TBC1D5: variants seen among roughly 807,000 people sequenced by gnomAD.
The protein encoded by TBC1D5 is TBC1 domain family, member 5.
In TBC1D5, 75 loss-of-function variants were observed where a neutral mutation model predicts 100.3. That is an observed-to-expected ratio of 0.75 (90% CI 0.62 to 0.91). The LOEUF is 0.91. Among genes scored for constraint, TBC1D5 ranks in the 40% least tolerant of loss-of-function variants. The probability of loss-of-function intolerance (pLI) is 0.00; values close to 1 mark genes in which losing one functional copy is unlikely to be tolerated. For missense variants in TBC1D5, 910 were observed against 942.4 expected, an observed-to-expected ratio of 0.97 and a Z score of 0.45; for synonymous variants, 323 against 325.6, an observed-to-expected ratio of 0.99 and a Z score of 0.09.
chr3:17,478,037 G>T (rs181933716), intron 3 of TBC1D5, among the ~76,000 whole-genome samples: 4 of 152,054 alleles, frequency 2.6e-5, no homozygotes, highest in Non-Finnish European at 4.4e-5. Context: ...CTTGATTAAA[G>T]AATTTATTTT....
chr3:17,685,183 T>C (rs2070082812), intron 1 of TBC1D5, among the ~76,000 whole-genome samples: 1 of 151,316 alleles, frequency 6.6e-6, no homozygotes, highest in African/African-American at 2.5e-5. Flanking sequence ...AAAGCTGAAA[T>C]TTTATCTCTG....
exon 22 of TBC1D5, chr3:17,159,243 G>C (rs2065837451): frequency 6.6e-6 from 1 of 152,182 alleles, no homozygotes; most frequent in African/African-American, 2.4e-5. Flanking sequence ...GAGTTTAAGA[G>C]CAAATTGCAG....
chr3:17,718,297 A>G (rs2075400467), intron 1 of TBC1D5, among the ~76,000 whole-genome samples: 1 of 152,216 alleles, frequency 6.6e-6, no homozygotes, highest in South Asian at 2.1e-4. Context: ...AATACATGAC[A>G]TAAAATTTAC....
intron 9 of TBC1D5, among the ~76,000 whole-genome samples, chr3:17,382,329 T>G (rs2092979776): frequency 1.3e-5 from 2 of 152,074 alleles, no homozygotes. Flanking sequence ...CTACACTCAG[T>G]GCTTTTAATC....
intron 1 of TBC1D5, among the ~76,000 whole-genome samples, chr3:17,729,016 TAAAAAAAA>T (rs34461809): frequency 6.8e-5 from 2 of 29,604 alleles, no homozygotes; most frequent in African/African-American, 2.3e-4. Flanking sequence ...TGAAAATCAG[TAAAAAAAA>T]AAAAAAAAAA....
chr3:17,360,691 C>T (rs901741096), intron 13 of TBC1D5, among the ~76,000 whole-genome samples: 6 of 151,726 alleles, frequency 4.0e-5, no homozygotes, highest in African/African-American at 1.2e-4. Context: ...ATAAACTGTT[C>T]TAATAAATAC....
intron 13 of TBC1D5, among the ~76,000 whole-genome samples, chr3:17,334,970 C>A (rs112065852): frequency 3.9e-5 from 6 of 152,150 alleles, no homozygotes; most frequent in African/African-American, 1.4e-4. Context: ...ATACTAAAAT[C>A]TGTATAAAAT....
intron 3 of TBC1D5, among the ~76,000 whole-genome samples, chr3:17,499,999 A>T (rs2153221787): frequency 6.7e-6 from 1 of 149,394 alleles, no homozygotes; most frequent in South Asian, 2.1e-4. Context: ...CTAATTGCCT[A>T]AAGGGGTAGT....
At chr3:17,201,887 G>A (rs984640781) in intron 18 of TBC1D5, among the ~76,000 whole-genome samples, 1 of 152,168 alleles carries the variant, frequency 6.6e-6, no homozygotes, top group African/African-American at 2.4e-5. Context: ...GTTATTTATA[G>A]TAATATGAGA....
chr3:17,523,962 T>C (rs1475868621), intron 2 of TBC1D5, among the ~76,000 whole-genome samples: 1 of 152,188 alleles, frequency 6.6e-6, no homozygotes, highest in East Asian at 1.9e-4. Flanking sequence ...TTAAAGACTT[T>C]TTAGGGGTGC....
chr3:17,356,995 A>T (rs1262474437), intron 13 of TBC1D5, among the ~76,000 whole-genome samples: 2 of 36,628 alleles, frequency 5.5e-5, no homozygotes, highest in Non-Finnish European at 1.1e-4. Flanking sequence ...GTTTTGTGAT[A>T]AAAAAAAAAA....
At chr3:17,406,442 G>C in exon 5 of TBC1D5, 2 of 1,609,362 alleles carry the variant, frequency 1.2e-6, no homozygotes, top group Non-Finnish European at 1.7e-6. Flanking sequence ...TGCGGAACCT[G>C]CTGCTTCTCA....
Position 17,368,618 on chromosome 3 carries a change from T to C in TBC1D5, c.995+3457A>G, listed in dbSNP as rs186752305. ...ATACAAGCTGTTGGTAATGATAACATTTTGCCATTGGCTCATTCATTATTG... is the reference window on the plus strand; with the variant it reads ...ATACAAGCTGTTGGTAATGATAACACTTTGCCATTGGCTCATTCATTATTG... On this transcript the variant is annotated intron_variant, in intron 13 of 21. Transcript: ENST00000253692. Among the ~76,000 whole-genome samples, 6 of 152,138 alleles carry C rather than the reference T, an allele frequency of 3.9e-5. No individual in the cohort carries two copies. In the East Asian group the frequency reaches 1.2e-3, roughly 29 times the overall value.
chr3:17,313,418 T>C (rs2084282335), intron 13 of TBC1D5, among the ~76,000 whole-genome samples: 1 of 152,172 alleles, frequency 6.6e-6, no homozygotes, highest in South Asian at 2.1e-4. Flanking sequence ...TTCTAGAAAG[T>C]CTGTAAATAG....
At chr3:17,293,300 G>A (rs1365092936) in intron 14 of TBC1D5, among the ~76,000 whole-genome samples, 1 of 152,132 alleles carries the variant, frequency 6.6e-6, no homozygotes, top group Non-Finnish European at 1.5e-5. Context: ...ATGGTTTTAT[G>A]TACAGATTTC....
chr3:17,478,277 TA>T (rs1339263753), intron 3 of TBC1D5, among the ~76,000 whole-genome samples: 1 of 152,198 alleles, frequency 6.6e-6, no homozygotes, highest in Non-Finnish European at 1.5e-5. Context: ...TTACATATCA[TA>T]AATGTTCATT....
At chr3:17,437,189 G>C (rs2094551147) in intron 3 of TBC1D5, among the ~76,000 whole-genome samples, 1 of 152,124 alleles carries the variant, frequency 6.6e-6, no homozygotes, top group Non-Finnish European at 1.5e-5. Flanking sequence ...GCCCTCACCA[G>C]ATGCTGGCAC....
chr3:17,410,199 G>A (rs1055989973), intron 4 of TBC1D5, among the ~76,000 whole-genome samples: 22 of 152,018 alleles, frequency 1.4e-4, no homozygotes, highest in Non-Finnish European at 2.4e-4. Context: ...TCCTTGTGCC[G>A]TATAAATGGA....
chr3:17,507,065 C>A (rs2095852238), intron 3 of TBC1D5, among the ~76,000 whole-genome samples: 2 of 152,084 alleles, frequency 1.3e-5, no homozygotes, highest in African/African-American at 4.8e-5. Context: ...CCTCAAATAA[C>A]CATAGTAATC....
Sources: allele counts gnomAD v4.1 joint callset (sites outside exome capture counted in the v4.1 genomes callset), GRCh38; gene constraint gnomAD v4.1.1; transcripts MANE v1.5; gene names NCBI Gene and HGNC (gene_info 2026-07-23, HGNC 2026-07-21).